Variants in TPST1 observed in about 807,000 individuals in gnomAD.
TPST1 encodes protein-tyrosine sulfotransferase 1.
A neutral mutation model predicts 34.8 loss-of-function variants in TPST1; 20 were observed. The ratio of observed to expected loss-of-function variants is 0.57; its 90% CI spans 0.40 to 0.84. The LOEUF (loss-of-function observed/expected upper bound fraction) is 0.84. Among genes scored for constraint, TPST1 ranks in the 40% least tolerant of loss-of-function variants. The pLI, the probability that TPST1 is intolerant of heterozygous loss-of-function variation, is 0.00. For synonymous variants in TPST1, 152 were observed against 159.4 expected, an observed-to-expected ratio of 0.95 and a Z score of 0.35; for missense variants, 353 against 455.5, an observed-to-expected ratio of 0.78 and a Z score of 2.05.
intron 1 of TPST1, among the ~76,000 whole-genome samples, chr7:66,224,610 A>G (rs747774758): frequency 2.0e-5 from 3 of 152,138 alleles, no homozygotes; most frequent in African/African-American, 7.2e-5. Context: ...GTGTGTGTGC[A>G]CTGGGTGTTG....
At chr7:66,273,565 C>T (rs1045633773) in intron 2 of TPST1, among the ~76,000 whole-genome samples, 2 of 152,060 alleles carry the variant, frequency 1.3e-5, no homozygotes, top group Non-Finnish European at 2.9e-5. Context: ...ATGGTACTGG[C>T]ATAAAAACAG....
intron 1 of TPST1, among the ~76,000 whole-genome samples, chr7:66,235,495 A>C (rs1310674278): frequency 6.6e-6 from 1 of 152,166 alleles, no homozygotes. Flanking sequence ...TATACACATG[A>C]ATAAATAAGA....
chr7:66,333,839 G>A (rs1198869950), intron 3 of TPST1, among the ~76,000 whole-genome samples: 2 of 152,090 alleles, frequency 1.3e-5, no homozygotes, highest in Non-Finnish European at 2.9e-5. Context: ...AGTACTACTG[G>A]ATCCTCTAAC....
chr7:66,224,901 CTTTTTTTTTTTTTTTTTT>C (rs780952403), intron 1 of TPST1, among the ~76,000 whole-genome samples: 3 of 42,410 alleles, frequency 7.1e-5, no homozygotes, highest in African/African-American at 3.2e-4. Flanking sequence ...TTCTGGTATT[CTTTTTTTTTTTTTTTTTT>C]TTTTTTTTTT....
chr7:66,235,718 G>A (rs528235096), intron 1 of TPST1, among the ~76,000 whole-genome samples: 7 of 152,252 alleles, frequency 4.6e-5, no homozygotes, highest in East Asian at 1.9e-4. Flanking sequence ...TCCTGATGAC[G>A]TGTGCCCAAG....
intron 3 of TPST1, among the ~76,000 whole-genome samples, chr7:66,327,740 C>CAT (rs1554353933): frequency 4.8e-5 from 7 of 147,342 alleles, no homozygotes; most frequent in Admixed American, 6.8e-5. Flanking sequence ...AAAAAAAGTG[C>CAT]GTGTGTGTGT....
chr7:66,274,520 T>C (rs1331468103), intron 2 of TPST1, among the ~76,000 whole-genome samples: 1 of 152,094 alleles, frequency 6.6e-6, no homozygotes, highest in Non-Finnish European at 1.5e-5. Context: ...CTCTGTGACA[T>C]TGGTCTGGGC....
chr7:66,330,857 A>G (rs1329621819), intron 3 of TPST1, among the ~76,000 whole-genome samples: 1 of 152,232 alleles, frequency 6.6e-6, no homozygotes, highest in African/African-American at 2.4e-5. Flanking sequence ...CAAAATCTGT[A>G]TGATTTATAT....
intron 1 of TPST1, among the ~76,000 whole-genome samples, chr7:66,238,408 CTT>C (rs370723283): frequency 8.6e-4 from 114 of 131,840 alleles, no homozygotes; most frequent in Non-Finnish European, 9.1e-4. Flanking sequence ...ACAGCACTGG[CTT>C]TTTTTTTTTT....
chr7:66,284,989 A>T (rs1396185349), intron 2 of TPST1, among the ~76,000 whole-genome samples: 1 of 152,126 alleles, frequency 6.6e-6, no homozygotes, highest in Non-Finnish European at 1.5e-5. Flanking sequence ...CATAGTTATC[A>T]GCACTGAATG....
intron 5 of TPST1, among the ~76,000 whole-genome samples, chr7:66,358,249 A>AAAAT (rs1014708396): frequency 9.9e-5 from 15 of 152,108 alleles, no homozygotes; most frequent in African/African-American, 2.2e-4. Context: ...CTTCGTCTCA[A>AAAAT]AAATAAATAA....
chr7:66,201,381 C>CAAA (rs138553925), upstream of TPST1, among the ~76,000 whole-genome samples: 2 of 73,516 alleles, frequency 2.7e-5, no homozygotes, highest in Non-Finnish European at 5.7e-5. Flanking sequence ...CCATCTCTAC[C>CAAA]AAAAAAAAAA....
intron 3 of TPST1, among the ~76,000 whole-genome samples, chr7:66,293,809 T>C (rs1470570668): frequency 6.6e-6 from 1 of 152,222 alleles, no homozygotes; most frequent in African/African-American, 2.4e-5. Context: ...AGCTAAACAT[T>C]GGTTACACTA....
intron 3 of TPST1, among the ~76,000 whole-genome samples, chr7:66,319,181 C>T (rs1323366330): frequency 6.6e-6 from 1 of 151,826 alleles, no homozygotes; most frequent in African/African-American, 2.4e-5. Flanking sequence ...CCATTTTGTC[C>T]TTTGAACTCC....
intron 2 of TPST1, among the ~76,000 whole-genome samples, chr7:66,247,680 G>A (rs533571763): frequency 6.6e-6 from 1 of 152,334 alleles, no homozygotes; most frequent in African/African-American, 2.4e-5. Flanking sequence ...CCATGGTTAA[G>A]GCGCTGTAGT....
intron 3 of TPST1, among the ~76,000 whole-genome samples, chr7:66,303,079 C>G (rs1264686039): frequency 6.6e-6 from 1 of 152,190 alleles, no homozygotes; most frequent in African/African-American, 2.4e-5. Context: ...TTCTGTGCCA[C>G]AGATCCTCCT....
At chr7:66,266,464 T>C (rs1790593957) in intron 2 of TPST1, among the ~76,000 whole-genome samples, 1 of 152,242 alleles carries the variant, frequency 6.6e-6, no homozygotes, top group Admixed American at 6.5e-5. Flanking sequence ...CTATATATTA[T>C]GGCTACTTAG....
chr7:66,199,861 G>A, the TPST1 span, among the ~76,000 whole-genome samples: 1 of 151,874 alleles, frequency 6.6e-6, no homozygotes, highest in East Asian at 1.9e-4. Context: ...CTACCGCCGC[G>A]CGGCACCATG....
chr7:66,314,078 G>A lies in TPST1; in HGVS notation c.1044+27369G>A, dbSNP rs192184110. The stretch of plus-strand genomic sequence containing the variant: ...TTATTATTCGGGTTATGCATATGAG[G>A]CCACAATACTAGGTAAATTGTGTGG... On this transcript the variant is annotated intron_variant, in intron 3 of 5. Transcript: ENST00000304842. Among the ~76,000 whole-genome samples, 325 of 152,200 alleles carry A rather than the reference G, an allele frequency of 2.1e-3. 2 individuals carry two copies. The highest frequency in any genetic ancestry group is 7.7e-3 in the African/African-American group (318 of 41,514).
Sources: allele counts gnomAD v4.1 joint callset (sites outside exome capture counted in the v4.1 genomes callset), GRCh38; gene constraint gnomAD v4.1.1; transcripts MANE v1.5; gene names NCBI Gene and HGNC (gene_info 2026-07-23, HGNC 2026-07-21).